Variants in PKP2 observed in about 807,000 individuals in gnomAD.
The protein encoded by PKP2 is plakophilin-2.
A neutral mutation model predicts 83.4 loss-of-function variants in PKP2; 73 were observed. That is an observed-to-expected ratio of 0.88 (90% CI 0.72 to 1.06). The LOEUF (loss-of-function observed/expected upper bound fraction) is 1.06. PKP2 is among the 50% of genes least tolerant of loss of function. The probability of loss-of-function intolerance (pLI) is 0.00; values close to 1 mark genes in which losing one functional copy is unlikely to be tolerated. For synonymous variants in PKP2, 409 were observed against 430.4 expected (o/e 0.95, Z 0.62); for missense variants, 966 against 1,065.4 (o/e 0.91, Z 1.30).
chr12:32,825,285 C>T (rs1339923205), intron 6 of PKP2, among the ~76,000 whole-genome samples: 1 of 150,306 alleles, frequency 6.7e-6, no homozygotes, highest in Non-Finnish European at 1.5e-5. Context: ...TCTCCTGCCT[C>T]AGCCTCCCGA....
At chr12:32,839,113 A>C (rs1440927635) in intron 6 of PKP2, among the ~76,000 whole-genome samples, 4 of 152,102 alleles carry the variant, frequency 2.6e-5, no homozygotes, top group African/African-American at 9.7e-5. Context: ...GTGGTAATGA[A>C]GGTTGTGGAT....
Position 32,792,180 on chromosome 12 carries a change from A to G in PKP2, c.*244T>C. 1 of 549,552 alleles carries G rather than the reference A, an allele frequency of 1.8e-6. No individual in the cohort carries two copies. The highest frequency in any genetic ancestry group is 3.3e-6 in the Non-Finnish European group (1 of 306,802). The allele number at this position is 549,552 out of a possible 1,614,324, so 34.0% of individuals were successfully genotyped here. A position where few individuals can be genotyped will look rare whatever the true frequency, so the allele number is the denominator to read the frequency against. Reference sequence around the variant, plus strand: ...TTGATTCCAGGAAGCCATGTACCATAAGCCCTAATAACAAAGACCACTATT... The same window carrying G: ...TTGATTCCAGGAAGCCATGTACCATGAGCCCTAATAACAAAGACCACTATT... On this transcript the variant is annotated 3_prime_UTR_variant, in exon 13 of 13. Coordinates refer to ENST00000340811, the MANE Select transcript of PKP2 (RefSeq NM_001005242.3).
intron 3 of PKP2, among the ~76,000 whole-genome samples, chr12:32,877,151 A>G (rs1207070629): frequency 2.0e-5 from 3 of 152,182 alleles, no homozygotes; most frequent in South Asian, 2.1e-4. Flanking sequence ...TCAGCCATCC[A>G]TTTCTCAATC....
At chr12:32,852,371 G>T (rs1215380305) in intron 4 of PKP2, among the ~76,000 whole-genome samples, 2 of 152,190 alleles carry the variant, frequency 1.3e-5, no homozygotes, top group East Asian at 1.9e-4. Context: ...CAGGTAAATG[G>T]TATTTAGGAC....
rs771398047 is a variant in PKP2, at chr12:32,878,391, G to A, written c.489C>T (p.His163=). The change falls in exon 3 of 13, where the codon CAC becomes CAT. Residue 163 remains histidine (H), a synonymous_variant. Transcript: ENST00000340811. ...TTCTCTGGCTGTACTGGTAATCGCTGTGCGTGTAGTGAGCCCTCTCCGGGC... is the reference window on the plus strand; with the variant it reads ...TTCTCTGGCTGTACTGGTAATCGCTATGCGTGTAGTGAGCCCTCTCCGGGC... The part of the protein sequence containing the change: ...DSSPERAHYT[H]SDYQYSQRSQ... 6.8e-6 allele frequency: 11 copies of A among 1,614,070 alleles called. No homozygotes were observed. In the East Asian group the frequency reaches 2.2e-4, roughly 33 times the overall value.
At chr12:32,811,665 T>C (rs1192709477) in intron 9 of PKP2, among the ~76,000 whole-genome samples, 3 of 152,244 alleles carry the variant, frequency 2.0e-5, no homozygotes, top group African/African-American at 7.2e-5. Context: ...AATCTTCATG[T>C]TTGGCTTTAT....
intron 10 of PKP2, among the ~76,000 whole-genome samples, chr12:32,800,099 G>T (rs1005165628): frequency 2.0e-5 from 3 of 152,154 alleles, no homozygotes; most frequent in Non-Finnish European, 4.4e-5. Flanking sequence ...TAGAGAGCAT[G>T]CATCTTTTGC....
chr12:32,793,234 C>T (rs1310700587), intron 11 of PKP2, among the ~76,000 whole-genome samples: 7 of 151,910 alleles, frequency 4.6e-5, no homozygotes, highest in African/African-American at 1.7e-4. Flanking sequence ...AGCTAGACTC[C>T]ATCTCAAAAT....
chr12:32,833,161 T>C (rs1400612270), intron 6 of PKP2, among the ~76,000 whole-genome samples: 1 of 152,206 alleles, frequency 6.6e-6, no homozygotes, highest in Non-Finnish European at 1.5e-5. Flanking sequence ...GAGAATTGCT[T>C]GAACCTGGCA....
intron 4 of PKP2, among the ~76,000 whole-genome samples, chr12:32,860,042 AAAACATACAAT>A (rs1448165258): frequency 6.6e-6 from 1 of 152,230 alleles, no homozygotes; most frequent in Non-Finnish European, 1.5e-5. Flanking sequence ...AAAATTGGAC[AAAACATACAAT>A]GGTTTCAATA....
At chr12:32,857,180 T>G (rs1189784639) in intron 4 of PKP2, among the ~76,000 whole-genome samples, 1 of 152,182 alleles carries the variant, frequency 6.6e-6, no homozygotes, top group Non-Finnish European at 1.5e-5. Context: ...TCCTAGCACT[T>G]TGGGAGGCCA....
At chr12:32,888,667 A>G (rs1439641273) in intron 1 of PKP2, among the ~76,000 whole-genome samples, 1 of 150,532 alleles carries the variant, frequency 6.6e-6, no homozygotes, top group African/African-American at 2.4e-5. Flanking sequence ...TTTTTTCTGT[A>G]CTTTTAGTAG....
chr12:32,887,966 G>GGAA, intron 1 of PKP2, among the ~76,000 whole-genome samples: 1 of 152,098 alleles, frequency 6.6e-6, no homozygotes, highest in African/African-American at 2.4e-5. Context: ...GATCACTTGA[G>GGAA]TCCAGGAATT....
intron 1 of PKP2, chr12:32,894,404 C>T (rs1957103172): frequency 6.6e-6 from 1 of 152,200 alleles, no homozygotes; most frequent in African/African-American, 2.4e-5. Context: ...GAAGAACATA[C>T]TCATTTGATG....
At chr12:32,815,003 T>C (rs898097928) in intron 9 of PKP2, among the ~76,000 whole-genome samples, 3 of 152,110 alleles carry the variant, frequency 2.0e-5, no homozygotes, top group Admixed American at 6.5e-5. Flanking sequence ...AACTGCAATA[T>C]ACGGTTCATT....
chr12:32,842,766 C>T (rs956147643), intron 5 of PKP2, among the ~76,000 whole-genome samples: 3 of 151,968 alleles, frequency 2.0e-5, no homozygotes, highest in Non-Finnish European at 4.4e-5. Context: ...CCTCTGCCTC[C>T]CAGGTTCAAG....
chr12:32,859,888 A>G (rs1293679078), intron 4 of PKP2, among the ~76,000 whole-genome samples: 1 of 152,216 alleles, frequency 6.6e-6, no homozygotes, highest in Non-Finnish European at 1.5e-5. Flanking sequence ...TGTGGTAGTA[A>G]TGGTACATGG....
At position 32,851,997 on chromosome 12, in the gene PKP2, G is replaced by C. The variant is rs529863506; in HGVS notation, c.1171-1024C>G. ...GGGCCAAATAATCCTAATCTAAGCA[G>C]GGAGATTTTCTGTTTTAGTCGGAAA... On this transcript the variant is annotated intron_variant, in intron 4 of 12. Transcript: ENST00000340811. 1.7e-3 allele frequency among the ~76,000 whole-genome samples: 252 copies of C among 152,304 alleles called. 1 individual carries two copies. The highest frequency in any genetic ancestry group is 5.8e-3 in the African/African-American group (242 of 41,554).
intron 6 of PKP2, among the ~76,000 whole-genome samples, chr12:32,838,796 A>G (rs1956564263): frequency 6.6e-6 from 1 of 152,246 alleles, no homozygotes; most frequent in Non-Finnish European, 1.5e-5. Context: ...GTAAACAACT[A>G]TCATATAACA....
Sources: allele counts gnomAD v4.1 joint callset (sites outside exome capture counted in the v4.1 genomes callset), GRCh38; gene constraint gnomAD v4.1.1; transcripts MANE v1.5; gene names NCBI Gene and HGNC (gene_info 2026-07-23, HGNC 2026-07-21).